Variants in PDPK1 observed in about 807,000 individuals in gnomAD.
PDPK1 encodes 3-phosphoinositide-dependent protein kinase 1.
PDPK1 carries 7 observed loss-of-function variants against 39.8 expected under a neutral mutation model. That is an observed-to-expected ratio of 0.18 (90% confidence interval 0.10 to 0.33). The LOEUF (loss-of-function observed/expected upper bound fraction) is 0.33, where lower values mean the gene tolerates loss of function less well. Among genes scored for constraint, PDPK1 ranks in the 10% least tolerant of loss-of-function variants. The probability of loss-of-function intolerance (pLI) is 1.00; values close to 1 mark genes in which losing one functional copy is unlikely to be tolerated. For synonymous variants in PDPK1, 118 were observed against 159.1 expected, an observed-to-expected ratio of 0.74 and a Z score of 1.95; for missense variants, 182 against 384.7, an observed-to-expected ratio of 0.47 and a Z score of 4.41.
At chr16:2,585,857 G>A (rs2066862120) in intron 10 of PDPK1, among the ~76,000 whole-genome samples, 1 of 152,250 alleles carries the variant, frequency 6.6e-6, no homozygotes, top group Admixed American at 6.5e-5. Flanking sequence ...TGCGTCTGGA[G>A]GCACGGAGGA....
intron 11 of PDPK1, among the ~76,000 whole-genome samples, chr16:2,589,051 G>C (rs1294134732): frequency 6.6e-6 from 1 of 152,150 alleles, no homozygotes; most frequent in East Asian, 1.9e-4. Flanking sequence ...CGCCTCCTGG[G>C]TTAAAGTGAT....
intron 10 of PDPK1, among the ~76,000 whole-genome samples, chr16:2,585,839 C>G (rs1051872056): frequency 6.6e-6 from 1 of 152,214 alleles, no homozygotes; most frequent in African/African-American, 2.4e-5. Context: ...GGGGCAGCAG[C>G]CAGGGCCTGC....
At chr16:2,560,888 G>C (rs2066594967) in intron 2 of PDPK1, among the ~76,000 whole-genome samples, 1 of 149,552 alleles carries the variant, frequency 6.7e-6, no homozygotes, top group Non-Finnish European at 1.5e-5. Context: ...GGGGTGCTGA[G>C]AGGACAGGGC....
intron 10 of PDPK1, among the ~76,000 whole-genome samples, chr16:2,584,877 C>G (rs1036452210): frequency 5.9e-5 from 9 of 152,326 alleles, no homozygotes; most frequent in African/African-American, 1.7e-4. Flanking sequence ...CTGGGAGCCT[C>G]GAGGCCCTTG....
intron 1 of PDPK1, among the ~76,000 whole-genome samples, chr16:2,539,902 A>T (rs1486834055): frequency 6.6e-6 from 1 of 152,200 alleles, no homozygotes; most frequent in African/African-American, 2.4e-5. Flanking sequence ...TGGACATTTC[A>T]TATCTGCAGT....
rs888661257 is a variant in PDPK1, at chr16:2,593,169, G to A, written c.1344-2624G>A. 13 of 451,578 alleles carry A rather than the reference G, an allele frequency of 2.9e-5. No individual in the cohort carries two copies. The highest frequency in any genetic ancestry group is 1.7e-4 in the Admixed American group (7 of 42,018). The allele number at this position is 451,578 out of a possible 1,614,324, so 28.0% of individuals were successfully genotyped here. A position where few individuals can be genotyped will look rare whatever the true frequency, so the allele number is the denominator to read the frequency against. On this transcript the variant is annotated intron_variant, in intron 11 of 13. Coordinates refer to ENST00000342085, the MANE Select transcript of PDPK1 (RefSeq NM_002613.5). The surrounding 1 kb of genome is among the most constrained non-coding windows in gnomAD (Gnocchi z 4.2). Reference sequence around the variant, plus strand: ...GCCCGTGCCTGTGGCATGCCCAGATGATCAGGGTGGAGCGGCCCAGCTCAA... The same window carrying A: ...GCCCGTGCCTGTGGCATGCCCAGATAATCAGGGTGGAGCGGCCCAGCTCAA...
chr16:2,547,553 G>A (rs369609527), intron 1 of PDPK1, among the ~76,000 whole-genome samples: 1 of 35,806 alleles, frequency 2.8e-5, no homozygotes, highest in Admixed American at 2.7e-4. Flanking sequence ...AACGCATTGC[G>A]TTCTCATTCC....
At chr16:2,589,192 G>A (rs2066938410) in intron 11 of PDPK1, among the ~76,000 whole-genome samples, 1 of 152,174 alleles carries the variant, frequency 6.6e-6, no homozygotes, top group Admixed American at 6.5e-5. Context: ...CTGACCTCGA[G>A]TGATCTGCCC....
intron 4 of PDPK1, chr16:2,562,233 TG>T (rs1266508483): frequency 4.0e-5 from 15 of 375,836 alleles, no homozygotes; most frequent in Admixed American, 8.7e-5. Flanking sequence ...CAAGGCCCGG[TG>T]GAAGTTGGGG....
chr16:2,541,391 G>T (rs183436229), intron 1 of PDPK1, among the ~76,000 whole-genome samples: 323 of 152,336 alleles, frequency 2.1e-3, no homozygotes, highest in Admixed American at 5.9e-3. Flanking sequence ...GAACTGGGAA[G>T]CGCTGCAGAA....
At chr16:2,576,759 G>A (rs1407156079) in intron 6 of PDPK1, 6 of 163,536 alleles carry the variant, frequency 3.7e-5, no homozygotes, top group Middle Eastern at 2.9e-3. Context: ...GTGAGCCACC[G>A]CACCTGGGCA....
At chr16:2,586,164 T>C (rs1188814319) in intron 10 of PDPK1, among the ~76,000 whole-genome samples, 2 of 152,262 alleles carry the variant, frequency 1.3e-5, no homozygotes, top group African/African-American at 4.8e-5. Flanking sequence ...TTAAGAGGAA[T>C]GTCTTTTAAA....
chr16:2,585,334 C>T (rs1240463992), intron 10 of PDPK1, among the ~76,000 whole-genome samples: 1 of 152,196 alleles, frequency 6.6e-6, no homozygotes, highest in Admixed American at 6.5e-5. Context: ...TGGGTCCAGG[C>T]AGGGAGCTCC....
intron 12 of PDPK1, among the ~76,000 whole-genome samples, chr16:2,596,493 C>T (rs1247060286): frequency 2.0e-5 from 3 of 152,144 alleles, no homozygotes; most frequent in Non-Finnish European, 4.4e-5. Flanking sequence ...GGCGCCCGGC[C>T]GGGTTGTTCT....
At chr16:2,589,714 AG>A (rs1456078108) in intron 11 of PDPK1, among the ~76,000 whole-genome samples, 1 of 151,148 alleles carries the variant, frequency 6.6e-6, no homozygotes, top group Non-Finnish European at 1.5e-5. Flanking sequence ...AAAAAAAAAA[AG>A]GTAAAAGGAA....
At position 2,601,510 on chromosome 16, in the gene PDPK1, C is replaced by T. The variant is rs1056988485; in HGVS notation, c.*3743C>T. The T allele has an allele frequency of 1.3e-5, 3 of 234,468 alleles. No homozygotes were observed. Among genetic ancestry groups the T allele is most frequent in the African/African-American group, 4.4e-5 (2 of 45,326 alleles). 14.5% of individuals were successfully genotyped at this position (234,468 alleles called of 1,614,324 possible). A position where few individuals can be genotyped will look rare whatever the true frequency, so the allele number is the denominator to read the frequency against. ...GTCCACAATGGTACTGAATTTGCAT[C>T]TGCACAGTCAGCAGAGATAACAAGT... On this transcript the variant is annotated 3_prime_UTR_variant, in exon 14 of 14. Transcript: ENST00000342085.
chr16:2,598,122 G>C lies in PDPK1; in HGVS notation c.*355G>C. On this transcript the variant is annotated 3_prime_UTR_variant, in exon 14 of 14. Transcript: ENST00000342085. Reference sequence around the variant, plus strand: ...CACCAGTTTTTCCTAGCATCAGTCCGAACCATGCGCCCGCCCTGCCCCAAC... The same window carrying C: ...CACCAGTTTTTCCTAGCATCAGTCCCAACCATGCGCCCGCCCTGCCCCAAC... 3.1e-6 allele frequency: 1 copy of C among 319,878 alleles called. No homozygotes were observed. Among genetic ancestry groups the C allele is most frequent in the Non-Finnish European group, 5.8e-6 (1 of 172,052 alleles). 19.8% of individuals were successfully genotyped at this position (319,878 alleles called of 1,614,324 possible).
At chr16:2,580,339 G>A (rs2066801622) in intron 7 of PDPK1, among the ~76,000 whole-genome samples, 1 of 145,086 alleles carries the variant, frequency 6.9e-6, no homozygotes, top group Non-Finnish European at 1.5e-5. Flanking sequence ...GGCAGGAGGA[G>A]GTCTCTTTGC....
rs779506921 is a variant in PDPK1, at chr16:2,598,598, C to T, written c.*831C>T. The stretch of plus-strand genomic sequence containing the variant: ...GTTAGTACCCCGCTGGCTCACTGCA[C>T]GAGAGAGTCCTGCCCCGAGCCCTAG... On this transcript the variant is annotated 3_prime_UTR_variant, in exon 14 of 14. Coordinates refer to ENST00000342085, the MANE Select transcript of PDPK1 (RefSeq NM_002613.5). 8 of 233,388 alleles carry T rather than the reference C, an allele frequency of 3.4e-5. No homozygotes were observed. The highest frequency in any genetic ancestry group is 1.3e-3 in the Middle Eastern group (1 of 790). The allele number at this position is 233,388 out of a possible 1,614,324, so 14.5% of individuals were successfully genotyped here.
Sources: allele counts gnomAD v4.1 joint callset (sites outside exome capture counted in the v4.1 genomes callset), GRCh38; gene constraint gnomAD v4.1.1; non-coding constraint Gnocchi (gnomAD v3.1); transcripts MANE v1.5; gene names NCBI Gene and HGNC (gene_info 2026-07-23, HGNC 2026-07-21).